PRDM10: variants seen among roughly 807,000 people sequenced by gnomAD.
PRDM10 encodes PR/SET domain 10.
A neutral mutation model predicts 133.1 loss-of-function variants in PRDM10; 65 were observed. The ratio of observed to expected loss-of-function variants is 0.49; its 90% CI spans 0.40 to 0.60. PRDM10 has a LOEUF of 0.60. Ranked by LOEUF, PRDM10 falls within the 20% of genes least tolerant of loss-of-function variation. The pLI is 0.00. For synonymous variants in PRDM10, 582 were observed against 580.4 expected (o/e 1.00, Z -0.04); for missense variants, 1,137 against 1,507.1 (o/e 0.75, Z 4.07).
At chr11:129,903,542 C>T (rs1322109836) in intron 20 of PRDM10, among the ~76,000 whole-genome samples, 3 of 152,090 alleles carry the variant, frequency 2.0e-5, no homozygotes, top group Non-Finnish European at 2.9e-5. Context: ...GTCTTCGTGA[C>T]GTTCAGCCTG....
intron 1 of PRDM10, among the ~76,000 whole-genome samples, chr11:129,993,651 A>AT (rs1296418340): frequency 3.3e-5 from 5 of 152,012 alleles, no homozygotes; most frequent in East Asian, 1.9e-4. Flanking sequence ...CACCTGGCTA[A>AT]CTTTTTGTAT....
At position 129,923,485 on chromosome 11, in the gene PRDM10, G is replaced by C; in HGVS notation, c.1879-82C>G. The C allele has an allele frequency of 7.0e-7, 1 of 1,425,494 alleles. No individual in the cohort carries two copies. The highest frequency in any genetic ancestry group is 1.4e-5 in the South Asian group (1 of 70,184). 88.3% of individuals were successfully genotyped at this position (1,425,494 alleles called of 1,614,324 possible). A position where few individuals can be genotyped will look rare whatever the true frequency, so the allele number is the denominator to read the frequency against. On this transcript the variant is annotated intron_variant, in intron 12 of 20. Coordinates refer to ENST00000360871, the MANE Select transcript of PRDM10 (RefSeq NM_199437.2). The surrounding 1 kb of genome is among the most constrained non-coding windows in gnomAD (Gnocchi z 4.4). The stretch of plus-strand genomic sequence containing the variant: ...AAAGGCAGCTTGTCAACGCTAGAGG[G>C]AGCCAAACGCATTACCATGGGTTTT...
chr11:129,972,308 C>T (rs964625776), intron 1 of PRDM10, among the ~76,000 whole-genome samples: 2 of 152,238 alleles, frequency 1.3e-5, no homozygotes, highest in African/African-American at 4.8e-5. Context: ...CAAGTGCCGC[C>T]CAAGTGGGAA....
At chr11:129,997,663 A>T (rs1401449123) in intron 1 of PRDM10, among the ~76,000 whole-genome samples, 1 of 152,212 alleles carries the variant, frequency 6.6e-6, no homozygotes, top group Non-Finnish European at 1.5e-5. Context: ...CTAAAAATCA[A>T]TGTATTGAAT....
At chr11:130,000,484 T>C (rs1042250204) in intron 1 of PRDM10, among the ~76,000 whole-genome samples, 1 of 152,244 alleles carries the variant, frequency 6.6e-6, no homozygotes, top group Non-Finnish European at 1.5e-5. Context: ...CCATAACCTC[T>C]AAGTAAAAAC....
intron 1 of PRDM10, among the ~76,000 whole-genome samples, chr11:129,981,963 A>C (rs1938135731): frequency 6.6e-6 from 1 of 151,956 alleles, no homozygotes; most frequent in Admixed American, 6.6e-5. Context: ...CTCATAAAAA[A>C]ATTATAAAAT....
At chr11:129,951,114 C>T (rs111957049) in intron 4 of PRDM10, among the ~76,000 whole-genome samples, 252 of 152,330 alleles carry the variant, frequency 1.7e-3, no homozygotes, top group African/African-American at 5.8e-3. Flanking sequence ...GAACTGTACA[C>T]TTCTAGACAA....
rs779226263 is a variant in PRDM10 at position 129,924,968 on chromosome 11, A to G, written c.1792T>C (p.Leu598=). The G allele has an allele frequency of 6.2e-6, 10 of 1,614,118 alleles. No homozygotes were observed. The Admixed American group carries it at 1.0e-4, about 16-fold the overall frequency. The change falls in exon 12 of 21, where the codon TTG becomes CTG. Residue 598 remains leucine, a synonymous_variant. Transcript: ENST00000360871. The part of the protein sequence containing the change: ...FCPESFDRLD[L]LKDHVAIHIN... ...TGAATGGCCACATGATCTTTCAACAAATCAAGGCGGTCAAAGGATTCTGGG... is the reference window on the plus strand; with the variant it reads ...TGAATGGCCACATGATCTTTCAACAGATCAAGGCGGTCAAAGGATTCTGGG...
intron 12 of PRDM10, among the ~76,000 whole-genome samples, chr11:129,924,501 C>T (rs979206243): frequency 6.6e-6 from 1 of 152,168 alleles, no homozygotes; most frequent in Admixed American, 6.5e-5. Context: ...TTGGTTAAAG[C>T]AAGCAGGAAA....
chr11:129,945,143 T>G lies in PRDM10; in HGVS notation c.521-131A>C. ...AAATTCAATGAACTCCTAATGGCGCTACCCATTCAACGGTAATACATTCTC... is the reference window on the plus strand; with the variant it reads ...AAATTCAATGAACTCCTAATGGCGCGACCCATTCAACGGTAATACATTCTC... On this transcript the variant is annotated intron_variant, in intron 5 of 20. Coordinates refer to ENST00000360871, the MANE Select transcript of PRDM10 (RefSeq NM_199437.2). The surrounding 1 kb of genome is among the most constrained non-coding windows in gnomAD (Gnocchi z 4.2). 9.1e-7 allele frequency: 1 copy of G among 1,096,072 alleles called. No homozygotes were observed. Among genetic ancestry groups the G allele is most frequent in the Non-Finnish European group, 1.3e-6 (1 of 752,334 alleles). 67.9% of individuals were successfully genotyped at this position (1,096,072 alleles called of 1,614,324 possible).
chr11:129,924,911 A>G lies in PRDM10; in HGVS notation c.1849T>C (p.Cys617Arg). 2 of 1,611,462 alleles carry G rather than the reference A, an allele frequency of 1.2e-6. No homozygotes were observed. The highest frequency in any genetic ancestry group is 1.7e-6 in the Non-Finnish European group (2 of 1,178,798). Reference sequence around the variant, plus strand: ...ATAAAATCTGGGAACCGTTTCTTACAAGTTGGGCAGGTGAAGTAGCCATCA... The same window carrying G: ...ATAAAATCTGGGAACCGTTTCTTACGAGTTGGGCAGGTGAAGTAGCCATCA... ...INDGYFTCPT[C>R]KKRFPDFIQV... Residue 617 changes from cysteine to arginine, a missense_variant, in exon 12 of 21, where the codon TGT (cysteine) becomes CGT (arginine). Physicochemically the swap from Cys to Arg is radical, Grantham distance 180 (BLOSUM62 -3). Around this residue, in one of 6 missense-constraint regions of PRDM10, gnomAD observed 635 missense variants for 835.2 expected, o/e 0.76. Coordinates refer to ENST00000360871, the MANE Select transcript of PRDM10 (RefSeq NM_199437.2).
chr11:129,945,019 A>AAGAG lies in PRDM10; in HGVS notation c.521-11_521-8dup. 1 of 1,609,706 alleles carries AAGAG rather than the reference A, an allele frequency of 6.2e-7. No homozygotes were observed. Among genetic ancestry groups the AAGAG allele is most frequent in the South Asian group, 1.1e-5 (1 of 90,316 alleles). On this transcript the variant is annotated splice_polypyrimidine_tract_variant and splice_region_variant and intron_variant, in intron 5 of 20. Coordinates refer to ENST00000360871, the MANE Select transcript of PRDM10 (RefSeq NM_199437.2). The surrounding 1 kb of genome is among the most constrained non-coding windows in gnomAD (Gnocchi z 4.2). The stretch of plus-strand genomic sequence containing the variant: ...TTATTGCACTCCTCACACCCTGCAA[A>AAGAG]AGAGAGACAGTCTTGAAGAAAAGTC...
chr11:129,937,382 C>T (rs1385654126), intron 8 of PRDM10, among the ~76,000 whole-genome samples: 1 of 151,998 alleles, frequency 6.6e-6, no homozygotes, highest in Non-Finnish European at 1.5e-5. Context: ...TGGAAGTCTT[C>T]ATTATATTAA....
chr11:129,983,358 G>T (rs879302836), intron 1 of PRDM10, among the ~76,000 whole-genome samples: 1 of 149,688 alleles, frequency 6.7e-6, no homozygotes, highest in Non-Finnish European at 1.5e-5. Context: ...GCAGTGGCGC[G>T]ATCTCAGCTC....
rs758817199 is a variant in PRDM10, at chr11:129,931,086, T to C, written c.1460A>G (p.His487Arg). The change falls in exon 11 of 21, where the codon CAT becomes CGT. Residue 487 changes from histidine to arginine, a missense_variant. Around this residue, in one of 6 missense-constraint regions of PRDM10, gnomAD observed 635 missense variants for 835.2 expected, o/e 0.76. Coordinates refer to ENST00000360871, the MANE Select transcript of PRDM10 (RefSeq NM_199437.2). ...CTGGGTGGGCACCACGCTCTCTTCA[T>C]GCTGCGGCTGCAGGTGCAGGGTGTG... The part of the protein sequence containing the change: ...ETHTLHLQPQ[H>R]EESVVPTQST... 2 of 1,614,226 alleles carry C rather than the reference T, an allele frequency of 1.2e-6. No individual in the cohort carries two copies. The highest frequency in any genetic ancestry group is 1.1e-5 in the South Asian group (1 of 91,088).
chr11:129,935,371 CA>C (rs536234617), intron 8 of PRDM10, among the ~76,000 whole-genome samples, 153 bp from the exon 9 acceptor site: 60 of 152,262 alleles, frequency 3.9e-4, no homozygotes, highest in African/African-American at 1.4e-3. Context: ...TCTATCAAAT[CA>C]AAAGCTAAAA....
intron 1 of PRDM10, among the ~76,000 whole-genome samples, chr11:129,983,544 G>A (rs113204914): frequency 0.077 from 11,578 of 150,256 alleles, 535 homozygotes; most frequent in Admixed American, 0.15. Flanking sequence ...GTGATCTGCC[G>A]GTCTCGGCCT....
Position 129,932,181 on chromosome 11 carries a change from C to T in PRDM10, c.1208G>A (p.Arg403Gln). 3.1e-6 allele frequency: 5 copies of T among 1,614,102 alleles called. No individual in the cohort carries two copies. The highest frequency in any genetic ancestry group is 4.2e-6 in the Non-Finnish European group (5 of 1,179,996). The change falls in exon 10 of 21, where the codon CGA (arginine) becomes CAA (glutamine). Residue 403 changes from arginine (R) to glutamine (Q), a missense_variant. Arg to Gln is a conservative substitution (Grantham distance 43, BLOSUM62 1). Transcript: ENST00000360871. ...AAATTTTGGAGGACGCCCCGGCCGT[C>T]GACCTGGACCGAATCGCCTCTTGCC... ...GRGKRRFGPG[R>Q]RPGRPPKFIR...
chr11:129,947,571 C>A lies in PRDM10; in HGVS notation c.295-201G>T. The A allele has an allele frequency of 2.1e-6, 3 of 1,434,914 alleles. No individual in the cohort carries two copies. The South Asian group carries it at 4.5e-5, about 21-fold the overall frequency. 88.9% of individuals were successfully genotyped at this position (1,434,914 alleles called of 1,614,324 possible). On this transcript the variant is annotated intron_variant, in intron 4 of 20. Transcript: ENST00000360871. The surrounding 1 kb of genome is among the most constrained non-coding windows in gnomAD (Gnocchi z 4.6). Reference sequence around the variant, plus strand: ...CATTTTTGATCTGACTGCTCACAGCCTTTAAGCCTCTGCCCTCCCTCTGCC... The same window carrying A: ...CATTTTTGATCTGACTGCTCACAGCATTTAAGCCTCTGCCCTCCCTCTGCC...
Sources: gnomAD v4.1 joint callset for allele counts (sites outside exome capture counted in the v4.1 genomes callset) on GRCh38, gnomAD v4.1.1 for gene constraint, gnomAD v4.1.1 regional missense constraint, Gnocchi (gnomAD v3.1) non-coding constraint, MANE v1.5 for transcripts, NCBI Gene and HGNC (gene_info 2026-07-23, HGNC 2026-07-21) for gene names.